The following METTL8 variants were observed in gnomAD, a reference collection of about 807,000 sequenced individuals.
METTL8 encodes methyltransferase 8, tRNA N3-cytidine, also known as tRNA N(3)-cytidine methyltransferase METTL8, mitochondrial.
In METTL8, 32 loss-of-function variants were observed where a neutral mutation model predicts 48.7. The ratio of observed to expected loss-of-function variants is 0.66; its 90% CI spans 0.50 to 0.88. METTL8 has a LOEUF of 0.88. Ranked by LOEUF, METTL8 falls within the 40% of genes least tolerant of loss-of-function variation. The pLI is 0.00. For missense variants in METTL8, 464 were observed against 474.4 expected (o/e 0.98, Z 0.20); for synonymous variants, 136 against 157.1 (o/e 0.87, Z 1.01).
chr2:171,402,826 T>G (rs560573674), intron 1 of METTL8, among the ~76,000 whole-genome samples: 1 of 151,964 alleles, frequency 6.6e-6, no homozygotes, highest in African/African-American at 2.4e-5. Context: ...AGTAAGGAAG[T>G]GCACACACAT....
chr2:171,418,994 G>A (rs779176733), intron 1 of METTL8, among the ~76,000 whole-genome samples: 6 of 150,718 alleles, frequency 4.0e-5, no homozygotes, highest in African/African-American at 7.3e-5. Context: ...GTATAGTCAC[G>A]CAGCGTGACA....
intron 3 of METTL8, among the ~76,000 whole-genome samples, chr2:171,348,551 T>C (rs1683542666): frequency 6.6e-6 from 1 of 152,174 alleles, no homozygotes; most frequent in Non-Finnish European, 1.5e-5. Flanking sequence ...CAAGTTGTTC[T>C]GGCAAAACTA....
chr2:171,422,801 G>C (rs1365293877), intron 1 of METTL8, among the ~76,000 whole-genome samples: 1 of 152,146 alleles, frequency 6.6e-6, no homozygotes, highest in African/African-American at 2.4e-5. Context: ...ACTTAAGTCT[G>C]ACAATACAAA....
rs565089118 is a variant in METTL8 at position 171,316,792 on chromosome 2, C to A, written c.*7380G>T. On this transcript the variant is annotated 3_prime_UTR_variant, in exon 10 of 10. Transcript: ENST00000375258. The stretch of plus-strand genomic sequence containing the variant: ...CAATTATCCTTGGAGGCAGAAATTT[C>A]TTTCTTGTTTCAATGCAGCATGTGA... Among the ~76,000 whole-genome samples, 1 of 152,264 alleles carries A rather than the reference C, an allele frequency of 6.6e-6. No individual in the cohort carries two copies. The highest frequency in any genetic ancestry group is 2.1e-4 in the South Asian group (1 of 4,824).
chr2:171,351,922 G>T (rs1388413264), intron 3 of METTL8, among the ~76,000 whole-genome samples: 1 of 152,186 alleles, frequency 6.6e-6, no homozygotes, highest in Non-Finnish European at 1.5e-5. Flanking sequence ...GGGAAAATTT[G>T]ACTTTCTCTT....
rs1684434393 is a variant in METTL8 at position 171,319,663 on chromosome 2, T to A, written c.*4509A>T. ...GGCAAAGCAAATAAGTTCTCAGAAG[T>A]CAATGTTAAATGGGTGTTTCAATAC... On this transcript the variant is annotated 3_prime_UTR_variant, in exon 10 of 10. Transcript: ENST00000375258. 1 of 152,186 alleles carries A rather than the reference T, an allele frequency of 6.6e-6. No individual in the cohort carries two copies. The highest frequency in any genetic ancestry group is 2.4e-5 in the African/African-American group (1 of 41,454). 9.4% of individuals were successfully genotyped at this position (152,186 alleles called of 1,614,324 possible).
intron 2 of METTL8, among the ~76,000 whole-genome samples, chr2:171,377,880 A>T (rs1262044995): frequency 4.6e-5 from 7 of 152,218 alleles, no homozygotes; most frequent in Admixed American, 1.3e-4. Context: ...ATTACTGGGT[A>T]TCTCCCAAAG....
At chr2:171,353,075 A>G (rs1018005867) in intron 3 of METTL8, among the ~76,000 whole-genome samples, 1 of 152,156 alleles carries the variant, frequency 6.6e-6, no homozygotes, top group Non-Finnish European at 1.5e-5. Context: ...TGTCAATTTT[A>G]GATCTTTCCT....
At chr2:171,414,414 T>C (rs989129946) in intron 1 of METTL8, among the ~76,000 whole-genome samples, 1 of 143,186 alleles carries the variant, frequency 7.0e-6, no homozygotes, top group Admixed American at 7.0e-5. Context: ...CGAAACTCCG[T>C]CTCAAAAAAA....
chr2:171,421,762 T>C lies in METTL8; in HGVS notation c.-13+12121A>G, dbSNP rs142736811. On this transcript the variant is annotated intron_variant, in intron 1 of 9. Coordinates refer to ENST00000375258, the MANE Select transcript of METTL8 (RefSeq NM_001321154.2). Reference sequence around the variant, plus strand: ...ATATAAGGAGGGCCAACTTTTCATATACTTGGGTTCCACAGGGTCAACTGA... The same window carrying C: ...ATATAAGGAGGGCCAACTTTTCATACACTTGGGTTCCACAGGGTCAACTGA... 1.5e-3 allele frequency among the ~76,000 whole-genome samples: 230 copies of C among 152,310 alleles called. 1 individual carries two copies. Among genetic ancestry groups the C allele is most frequent in the Middle Eastern group, 6.8e-3 (2 of 294 alleles).
At chr2:171,363,005 T>C (rs1244164744) in intron 2 of METTL8, among the ~76,000 whole-genome samples, 1 of 152,168 alleles carries the variant, frequency 6.6e-6, no homozygotes, top group East Asian at 1.9e-4. Context: ...AATAGAACAA[T>C]CTATTTCCCT....
chr2:171,422,252 A>G (rs1691949000), intron 1 of METTL8, among the ~76,000 whole-genome samples: 1 of 152,240 alleles, frequency 6.6e-6, no homozygotes. Flanking sequence ...AGACTATTCA[A>G]TAAGTGGGTC....
At chr2:171,350,598 A>G (rs1401465555) in intron 3 of METTL8, among the ~76,000 whole-genome samples, 1 of 152,020 alleles carries the variant, frequency 6.6e-6, no homozygotes, top group African/African-American at 2.4e-5. Context: ...AAGTGTTCCT[A>G]TTTCTCCACA....
intron 1 of METTL8, chr2:171,433,213 G>A (rs1339940906): frequency 6.6e-6 from 1 of 152,174 alleles, no homozygotes; most frequent in Non-Finnish European, 1.5e-5. Context: ...GCAGTACCCT[G>A]GGGTACCTGG....
chr2:171,353,487 C>T (rs966288724), intron 3 of METTL8, among the ~76,000 whole-genome samples: 1 of 152,202 alleles, frequency 6.6e-6, no homozygotes, highest in Non-Finnish European at 1.5e-5. Flanking sequence ...ATTAGGTCCA[C>T]TTGCTGCAGA....
At chr2:171,398,254 A>C (rs1057402845) in intron 1 of METTL8, among the ~76,000 whole-genome samples, 1 of 152,230 alleles carries the variant, frequency 6.6e-6, no homozygotes, top group Admixed American at 6.5e-5. Context: ...GTGTCCATTG[A>C]AGATAAATGG....
At chr2:171,434,066 G>A (rs944231328), upstream of METTL8, 2 of 292,238 alleles carry the variant, frequency 6.8e-6, no homozygotes, top group Non-Finnish European at 1.3e-5. Context: ...GCAGCACCGC[G>A]CCCCCAGGGC....
upstream of METTL8, chr2:171,434,006 G>A (rs1382128514): frequency 4.1e-6 from 1 of 246,522 alleles, no homozygotes; most frequent in Non-Finnish European, 8.0e-6. Context: ...GGCAGTGAGG[G>A]AGGGATCCCT....
chr2:171,356,720 G>A (rs1684579477), intron 3 of METTL8, among the ~76,000 whole-genome samples: 2 of 152,164 alleles, frequency 1.3e-5, no homozygotes, highest in Admixed American at 6.5e-5. Flanking sequence ...CCATGTTGCT[G>A]CAAATGATAA....
Sources: allele counts gnomAD v4.1 joint callset (sites outside exome capture counted in the v4.1 genomes callset), GRCh38; gene constraint gnomAD v4.1.1; transcripts MANE v1.5; gene names NCBI Gene and HGNC (gene_info 2026-07-23, HGNC 2026-07-21).